Variants in CLTC observed in about 807,000 individuals in gnomAD.
The protein encoded by CLTC is clathrin heavy chain, also known as clathrin heavy chain 1.
CLTC carries 16 observed loss-of-function variants against 195.8 expected under a neutral mutation model. That is an observed-to-expected ratio of 0.08 (90% CI 0.06 to 0.12). The LOEUF is 0.12. Among genes scored for constraint, CLTC ranks in the 10% least tolerant of loss-of-function variants. The pLI is 1.00. For synonymous variants in CLTC, 667 were observed against 689.4 expected (o/e 0.97, Z 0.51); for missense variants, 796 against 2,027.0 (o/e 0.39, Z 11.66).
At chr17:59,634,530 T>C (rs1416685147) in intron 1 of CLTC, among the ~76,000 whole-genome samples, 3 of 152,244 alleles carry the variant, frequency 2.0e-5, no homozygotes, top group Non-Finnish European at 4.4e-5. Context: ...TTGAGTCTCC[T>C]GGTAGTTTAC....
intron 17 of CLTC, among the ~76,000 whole-genome samples, chr17:59,678,284 A>G (rs752974540): frequency 1.7e-4 from 26 of 152,128 alleles, no homozygotes; most frequent in Non-Finnish European, 3.8e-4. Context: ...CATAATTATT[A>G]CCCTCTTGGA....
intron 6 of CLTC, among the ~76,000 whole-genome samples, chr17:59,659,840 C>G (rs1435934064): frequency 6.6e-6 from 1 of 151,992 alleles, no homozygotes; most frequent in African/African-American, 2.4e-5. Context: ...AATCTGCTCT[C>G]TAGGAATGAA....
intron 15 of CLTC, among the ~76,000 whole-genome samples, chr17:59,674,114 C>T (rs1026816061): frequency 3.3e-5 from 5 of 151,758 alleles, no homozygotes; most frequent in Admixed American, 1.3e-4. Context: ...TAAAATTCTA[C>T]GTGCTTCCCT....
In CLTC at chr17:59,643,516, A is replaced by G. The variant is rs186556817; in HGVS notation, c.43-760A>G. Among the ~76,000 whole-genome samples, 4 of 152,332 alleles carry G rather than the reference A, an allele frequency of 2.6e-5. No individual in the cohort carries two copies. The East Asian group carries it at 7.7e-4, about 29-fold the overall frequency. The stretch of plus-strand genomic sequence containing the variant: ...CTTAAGTAGCTCCCTTCGCCTGTAG[A>G]ATAAACTCAGGATTCTTACTGAGGT... On this transcript the variant is annotated intron_variant, in intron 1 of 31. Coordinates refer to ENST00000269122, the MANE Select transcript of CLTC (RefSeq NM_004859.4).
intron 15 of CLTC, 114 bp from the exon 16 acceptor site, chr17:59,674,587 T>C (rs2032924236): frequency 2.1e-6 from 2 of 944,164 alleles, no homozygotes; most frequent in East Asian, 2.7e-5. Context: ...ATTTAAAAAC[T>C]GAACTTAAAG....
At chr17:59,620,284 C>G (rs2031326518) in intron 1 of CLTC, 111 bp downstream of exon 1, 5 of 1,051,750 alleles carry the variant, frequency 4.8e-6, no homozygotes, top group East Asian at 4.9e-5. Context: ...GGGGGGTTGT[C>G]GGTGATTGGG....
chr17:59,684,814 AAG>A (rs1440936968), intron 28 of CLTC, among the ~76,000 whole-genome samples: 2 of 151,410 alleles, frequency 1.3e-5, no homozygotes, highest in East Asian at 1.9e-4. Flanking sequence ...CTCAAAAAAA[AAG>A]AAAAAAATCT....
At chr17:59,691,197 T>C (rs1031348966) in intron 31 of CLTC, among the ~76,000 whole-genome samples, 2 of 152,208 alleles carry the variant, frequency 1.3e-5, no homozygotes, top group African/African-American at 4.8e-5. Flanking sequence ...TTTAAGACAA[T>C]TTCATGTCTT....
intron 1 of CLTC, among the ~76,000 whole-genome samples, chr17:59,641,659 C>A (rs116570443): frequency 5.3e-4 from 74 of 140,514 alleles, no homozygotes; most frequent in African/African-American, 1.8e-3. Context: ...TTTAATTTTG[C>A]ATTTTTTAAA....
chr17:59,684,150 C>G, intron 28 of CLTC, 165 bp downstream of exon 28: 2 of 563,468 alleles, frequency 3.5e-6, no homozygotes, highest in Admixed American at 3.3e-5. Flanking sequence ...TAATTAAGTG[C>G]CAAGTTTTCA....
intron 1 of CLTC, among the ~76,000 whole-genome samples, chr17:59,631,723 C>T (rs1297211884): frequency 2.0e-5 from 3 of 152,154 alleles, no homozygotes; most frequent in African/African-American, 7.2e-5. Context: ...GTAACCCCAT[C>T]ACTTTGGGAG....
At chr17:59,693,495 T>C (rs932656316) in intron 31 of CLTC, among the ~76,000 whole-genome samples, 1 of 152,108 alleles carries the variant, frequency 6.6e-6, no homozygotes, top group Non-Finnish European at 1.5e-5. Context: ...TGTTCAGTCA[T>C]AAGCAGTTCT....
intron 31 of CLTC, among the ~76,000 whole-genome samples, chr17:59,691,351 G>A (rs918599428): frequency 1.3e-5 from 2 of 152,154 alleles, no homozygotes; most frequent in South Asian, 2.1e-4. Flanking sequence ...ATGGCTGGGT[G>A]CGGTGGCTCA....
chr17:59,691,276 A>G (rs1021462741), intron 31 of CLTC, among the ~76,000 whole-genome samples: 2 of 152,166 alleles, frequency 1.3e-5, no homozygotes, highest in South Asian at 4.1e-4. Flanking sequence ...CATTTGAACA[A>G]TCACTTTGAA....
chr17:59,646,344 G>C (rs1302318573), intron 2 of CLTC, among the ~76,000 whole-genome samples: 1 of 152,130 alleles, frequency 6.6e-6, no homozygotes, highest in East Asian at 1.9e-4. Flanking sequence ...TTTCAAGTCT[G>C]GTTGTGGTTT....
At chr17:59,650,556 C>T (rs796917819) in intron 4 of CLTC, among the ~76,000 whole-genome samples, 2 of 150,110 alleles carry the variant, frequency 1.3e-5, no homozygotes, top group African/African-American at 4.9e-5. Context: ...GGCACGATCC[C>T]GGTTCCCTGC....
chr17:59,682,893 A>G lies in CLTC; in HGVS notation c.3766-14A>G, dbSNP rs2033108627. On this transcript the variant is annotated splice_polypyrimidine_tract_variant and intron_variant, in intron 23 of 31. Coordinates refer to ENST00000269122, the MANE Select transcript of CLTC (RefSeq NM_004859.4). The surrounding 1 kb of genome is among the most constrained non-coding windows in gnomAD (Gnocchi z 6.8). ...TTTACATTTGAGTTCACAGAAAGGA[A>G]ATGTTTATTCTAGGTCTGCTTCGCC... is the stretch of plus-strand genomic sequence containing the variant. The G allele has an allele frequency of 6.2e-7, 1 of 1,613,326 alleles. No homozygotes were observed. The highest frequency in any genetic ancestry group is 1.7e-4 in the Middle Eastern group (1 of 6,058).
chr17:59,668,816 A>G lies in CLTC; in HGVS notation c.2168A>G (p.Gln723Arg). 1 of 1,611,994 alleles carries G rather than the reference A, an allele frequency of 6.2e-7. No individual in the cohort carries two copies. The highest frequency in any genetic ancestry group is 8.5e-7 in the Non-Finnish European group (1 of 1,179,400). Residue 723 changes from glutamine to arginine, a missense_variant, in exon 14 of 32, where the codon CAG becomes CGG. This residue lies in a region of CLTC where 19 missense variants were observed against 35.7 expected (regional missense o/e 0.53). Transcript: ENST00000269122. Reference sequence around the variant, plus strand: ...CTGGGATCCATTGTTAACTTTAGCCAGGACCCAGATGTGCACTTTAAATAT... The same window carrying G: ...CTGGGATCCATTGTTAACTTTAGCCGGGACCCAGATGTGCACTTTAAATAT... ...YFLGSIVNFS[Q>R]DPDVHFKYIQ...
intron 30 of CLTC, chr17:59,689,036 C>CTT (rs2033242271): frequency 2.0e-5 from 3 of 152,076 alleles, no homozygotes; most frequent in Admixed American, 2.0e-4. Flanking sequence ...AAAAAATGGA[C>CTT]ATTTCATATG....
Sources: allele counts gnomAD v4.1 joint callset (sites outside exome capture counted in the v4.1 genomes callset), GRCh38; gene constraint gnomAD v4.1.1; regional missense constraint gnomAD v4.1.1; non-coding constraint Gnocchi (gnomAD v3.1); transcripts MANE v1.5; gene names NCBI Gene and HGNC (gene_info 2026-07-23, HGNC 2026-07-21).